The following MCTP2 variants were observed in gnomAD, a reference collection of about 807,000 sequenced individuals.
The protein encoded by MCTP2 is multiple C2 and transmembrane domain containing 2.
Under a neutral mutation model 111.6 loss-of-function variants are expected in MCTP2, and 132 were observed. That is an observed-to-expected ratio of 1.18 (90% confidence interval 1.03 to 1.37). The LOEUF (loss-of-function observed/expected upper bound fraction) is 1.37, where lower values mean the gene tolerates loss of function less well. MCTP2 is among the 40% of genes most tolerant of loss of function. The pLI, the probability that MCTP2 is intolerant of heterozygous loss-of-function variation, is 0.00. For synonymous variants in MCTP2, 395 were observed against 387.7 expected, an observed-to-expected ratio of 1.02 and a Z score of -0.22; for missense variants, 1,183 against 1,067.9, an observed-to-expected ratio of 1.11 and a Z score of -1.50.
Position 94,298,177 on chromosome 15 carries a change from T to C in MCTP2, c.-65-24T>C, listed in dbSNP as rs528575109. 9.0e-6 allele frequency: 9 copies of C among 996,458 alleles called. No homozygotes were observed. The East Asian group carries it at 2.1e-4, about 24-fold the overall frequency. 61.7% of individuals were successfully genotyped at this position (996,458 alleles called of 1,614,324 possible). ...TTTTTTTTTTTTGTTTGTTTGTTTTTTGTTGTTTTTTTCTGTTTTATAGGA... is the reference window on the plus strand; with the variant it reads ...TTTTTTTTTTTTGTTTGTTTGTTTTCTGTTGTTTTTTTCTGTTTTATAGGA... On this transcript the variant is annotated intron_variant, in intron 1 of 22. Transcript: ENST00000357742.
At chr15:94,243,729 A>G (rs1156848511) in intron 1 of MCTP2, among the ~76,000 whole-genome samples, 2 of 107,602 alleles carry the variant, frequency 1.9e-5, no homozygotes, top group African/African-American at 8.0e-5. Context: ...ACACATACAT[A>G]TGTGTATACA....
At chr15:94,446,880 T>C (rs2084150339) in intron 19 of MCTP2, among the ~76,000 whole-genome samples, 1 of 152,222 alleles carries the variant, frequency 6.6e-6, no homozygotes, top group Non-Finnish European at 1.5e-5. Context: ...TATGACCCTT[T>C]TATATCAGTT....
At chr15:94,389,656 G>T (rs945720124) in intron 14 of MCTP2, among the ~76,000 whole-genome samples, 4 of 151,762 alleles carry the variant, frequency 2.6e-5, no homozygotes, top group African/African-American at 9.7e-5. Context: ...TTGATTTGTT[G>T]GTGTTTCTCT....
At chr15:94,338,887 C>T (rs1304111761) in intron 4 of MCTP2, among the ~76,000 whole-genome samples, 1 of 152,164 alleles carries the variant, frequency 6.6e-6, no homozygotes, top group Non-Finnish European at 1.5e-5. Flanking sequence ...TCTGTTGAAT[C>T]AGCCATCTGG....
In MCTP2 at chr15:94,479,348, A is replaced by G. The variant is rs2074612115; in HGVS notation, c.*314A>G. On this transcript the variant is annotated 3_prime_UTR_variant, in exon 23 of 23. Transcript: ENST00000357742. ...TCTGAACACCACCTTCCTTGAGAAC[A>G]GCCAGGAGCCCACTTGGATTCAAGA... 3 of 362,906 alleles carry G rather than the reference A, an allele frequency of 8.3e-6. No homozygotes were observed. The highest frequency in any genetic ancestry group is 7.9e-5 in the Admixed American group (2 of 25,356). The allele number at this position is 362,906 out of a possible 1,614,324, so 22.5% of individuals were successfully genotyped here.
intron 4 of MCTP2, among the ~76,000 whole-genome samples, chr15:94,320,141 C>CTTT (rs71135503): frequency 0.044 from 5,203 of 117,714 alleles, 197 homozygotes; most frequent in East Asian, 0.14. Context: ...GTTTATTAAT[C>CTTT]TTTTTTTTTT....
chr15:94,350,807 C>T (rs1307219617), intron 8 of MCTP2, among the ~76,000 whole-genome samples: 1 of 152,158 alleles, frequency 6.6e-6, no homozygotes, highest in Non-Finnish European at 1.5e-5. Context: ...ATAACTTGAG[C>T]TTCCTACAGG....
intron 1 of MCTP2, among the ~76,000 whole-genome samples, chr15:94,277,469 C>T (rs1349279120): frequency 6.6e-6 from 1 of 151,904 alleles, no homozygotes; most frequent in Non-Finnish European, 1.5e-5. Flanking sequence ...CACATCTAGA[C>T]AATAGAATAT....
chr15:94,404,631 A>G (rs1362095482), intron 17 of MCTP2, among the ~76,000 whole-genome samples: 2 of 151,766 alleles, frequency 1.3e-5, no homozygotes, highest in Non-Finnish European at 2.9e-5. Context: ...TTCTTTTGGT[A>G]AGATTATGGG....
chr15:94,232,373 C>T (rs2070241964), intron 1 of MCTP2, among the ~76,000 whole-genome samples: 1 of 152,084 alleles, frequency 6.6e-6, no homozygotes, highest in Non-Finnish European at 1.5e-5. Flanking sequence ...CCTCTAGATG[C>T]TTACAAGAGC....
At position 94,399,044 on chromosome 15, in the gene MCTP2, G is replaced by A. The variant is rs1416270733; in HGVS notation, c.1872G>A (p.Met624Ile). Residue 624 changes from methionine (M) to isoleucine (I), a missense_variant, in exon 15 of 23, where the codon ATG (methionine) becomes ATA (isoleucine). Met to Ile is a conservative substitution (Grantham distance 10). Coordinates refer to ENST00000357742, the MANE Select transcript of MCTP2 (RefSeq NM_001385001.1). ...TTAAAGGAGTTATTTACTTAGAGATGGACCTTATATATAATCCGGTAAGTC... is the reference window on the plus strand; with the variant it reads ...TTAAAGGAGTTATTTACTTAGAGATAGACCTTATATATAATCCGGTAAGTC... ...QAFKGVIYLE[M>I]DLIYNPVKAS... The A allele has an allele frequency of 2.0e-6, 3 of 1,505,842 alleles. No individual in the cohort carries two copies. 93.3% of individuals were successfully genotyped at this position (1,505,842 alleles called of 1,614,324 possible). A position where few individuals can be genotyped will look rare whatever the true frequency, so the allele number is the denominator to read the frequency against.
chr15:94,344,180 A>G (rs1012862251), intron 7 of MCTP2: 2 of 152,126 alleles, frequency 1.3e-5, no homozygotes, highest in African/African-American at 4.8e-5. Context: ...AATGAAGAAT[A>G]TTTTTCAGTC....
chr15:94,470,269 C>A, intron 20 of MCTP2, 64 bp from the exon 21 acceptor site: 1 of 1,152,102 alleles, frequency 8.7e-7, no homozygotes. Context: ...ATAAACATGA[C>A]AAGTTGACTC....
At chr15:94,299,675 A>G (rs2075507208) in intron 2 of MCTP2, among the ~76,000 whole-genome samples, 1 of 152,178 alleles carries the variant, frequency 6.6e-6, no homozygotes, top group Non-Finnish European at 1.5e-5. Context: ...CTGACACTGA[A>G]GTAGGTTTCC....
chr15:94,402,713 T>C (rs1443681504), intron 17 of MCTP2: 4 of 1,446,496 alleles, frequency 2.8e-6, no homozygotes, highest in Middle Eastern at 1.8e-4. Context: ...AAGGGACTTG[T>C]CCTTGATCAA....
chr15:94,245,114 GTATATGTATACACATGTGTA>G (rs1567262465), intron 1 of MCTP2, among the ~76,000 whole-genome samples: 1 of 148,532 alleles, frequency 6.7e-6, no homozygotes, highest in African/African-American at 2.5e-5. Context: ...GTTTATATAT[GTATATGTATACACATGTGTA>G]TATATTTATA....
intron 2 of MCTP2, among the ~76,000 whole-genome samples, chr15:94,307,322 C>G (rs116656799): frequency 6.6e-6 from 1 of 151,924 alleles, no homozygotes; most frequent in African/African-American, 2.4e-5. Context: ...GGACCTCTTC[C>G]GAGAAGATAA....
At chr15:94,436,340 A>G in intron 17 of MCTP2, among the ~76,000 whole-genome samples, 1 of 152,204 alleles carries the variant, frequency 6.6e-6, no homozygotes, top group African/African-American at 2.4e-5. Context: ...TCTTTCTTTG[A>G]AGATGCTTAG....
rs1474909246 is a variant in MCTP2, at chr15:94,483,301, CTCAAAAACCTAAAGACAGAAATA to C, written c.*4268_*4290del. 1 of 152,114 alleles carries C rather than the reference CTCAAAAACCTAAAGACAGAAATA, an allele frequency of 6.6e-6. No homozygotes were observed. Among genetic ancestry groups the C allele is most frequent in the Non-Finnish European group, 1.5e-5 (1 of 68,016 alleles). 9.4% of individuals were successfully genotyped at this position (152,114 alleles called of 1,614,324 possible). On this transcript the variant is annotated 3_prime_UTR_variant, in exon 23 of 23. Transcript: ENST00000357742. ...CTGTGGAAGACAGGGTGGGTGTTTC[CTCAAAAACCTAAAGACAGAAATA>C]CCATTTGACCCAGCAATCCCATAAC... is the stretch of plus-strand genomic sequence containing the variant.
Sources: gnomAD v4.1 joint callset for allele counts (sites outside exome capture counted in the v4.1 genomes callset) on GRCh38, gnomAD v4.1.1 for gene constraint, MANE v1.5 for transcripts, NCBI Gene and HGNC (gene_info 2026-07-23, HGNC 2026-07-21) for gene names.